The following GOLGA2 variants were observed in gnomAD, a reference collection of about 807,000 sequenced individuals.
The protein encoded by GOLGA2 is golgin A2, also known as golgin subfamily A member 2.
Under a neutral mutation model 148.8 loss-of-function variants are expected in GOLGA2, and 49 were observed. The observed-to-expected ratio is 0.33, with a 90% CI of 0.26 to 0.42. GOLGA2 has a LOEUF of 0.42. Among genes scored for constraint, GOLGA2 ranks in the 10% least tolerant of loss-of-function variants. The pLI, the probability that GOLGA2 is intolerant of heterozygous loss-of-function variation, is 1.00. For missense variants in GOLGA2, 1,178 were observed against 1,304.6 expected (o/e 0.90, Z 1.49); for synonymous variants, 501 against 511.8 (o/e 0.98, Z 0.28).
chr9:128,258,019 C>A lies in GOLGA2; in HGVS notation c.2469G>T (p.Glu823Asp). 1 of 1,610,298 alleles carries A rather than the reference C, an allele frequency of 6.2e-7. No homozygotes were observed. Among genetic ancestry groups the A allele is most frequent in the South Asian group, 1.1e-5 (1 of 90,824 alleles). Residue 823 changes from glutamate to aspartate, a missense_variant, in exon 23 of 27, where the codon GAG becomes GAT. Physicochemically the swap from Glu to Asp is conservative, Grantham distance 45 (BLOSUM62 2). This residue lies in a region of GOLGA2 where 529 missense variants were observed against 521.8 expected (regional missense o/e 1.01). Coordinates refer to ENST00000611957, the MANE Select transcript of GOLGA2 (RefSeq NM_001366244.2). The surrounding 1 kb of genome is among the most constrained non-coding windows in gnomAD (Gnocchi z 6.6). ...PGTGGDSVCG[E>D]THRALQGAME... is the part of the protein sequence containing the mutation. ...TGGCCCCCTGCAGGGCCCGGTGGGT[C>A]TCCCCACACACAGAATCACCCCCGG... is the stretch of plus-strand genomic sequence containing the variant.
Position 128,261,361 on chromosome 9 carries a change from C to T in GOLGA2, c.1332+93G>A, listed in dbSNP as rs1830262882. The T allele has an allele frequency of 8.2e-7, 1 of 1,216,060 alleles. No homozygotes were observed. Among genetic ancestry groups the T allele is most frequent in the East Asian group, 2.3e-5 (1 of 43,058 alleles). 75.3% of individuals were successfully genotyped at this position (1,216,060 alleles called of 1,614,324 possible). ...CCGCCACAAAGCCCAGACCCATGACCACCTCTGGCTGTGCTCCTCCCATTT... is the reference window on the plus strand; with the variant it reads ...CCGCCACAAAGCCCAGACCCATGACTACCTCTGGCTGTGCTCCTCCCATTT... On this transcript the variant is annotated intron_variant, in intron 16 of 26. Coordinates refer to ENST00000611957, the MANE Select transcript of GOLGA2 (RefSeq NM_001366244.2). This position sits in a 1 kb window ranked among gnomAD's most constrained non-coding sequence, Gnocchi z 5.7.
At chr9:128,275,448 A>T in intron 1 of GOLGA2, 1 of 1,298,216 alleles carries the variant, frequency 7.7e-7, no homozygotes, top group Non-Finnish European at 9.8e-7. Context: ...AGGTCCTTGG[A>T]GACCCGAGAC....
chr9:128,260,828 G>C lies in GOLGA2; in HGVS notation c.1421-26C>G. On this transcript the variant is annotated intron_variant, in intron 17 of 26. Coordinates refer to ENST00000611957, the MANE Select transcript of GOLGA2 (RefSeq NM_001366244.2). This position sits in a 1 kb window ranked among gnomAD's most constrained non-coding sequence, Gnocchi z 4.8. ...CTGAGAAAGGACGCAGACAATAAAA[G>C]CCTCTGGATTCTCAAAAAAACCCTC... 1 of 1,487,370 alleles carries C rather than the reference G, an allele frequency of 6.7e-7. No homozygotes were observed. Among genetic ancestry groups the C allele is most frequent in the African/African-American group, 1.4e-5 (1 of 71,882 alleles). The allele number at this position is 1,487,370 out of a possible 1,614,324, so 92.1% of individuals were successfully genotyped here. A position where few individuals can be genotyped will look rare whatever the true frequency, so the allele number is the denominator to read the frequency against.
chr9:128,257,694 T>C lies in GOLGA2; in HGVS notation c.2625A>G (p.Ala875=). The C allele has an allele frequency of 6.2e-7, 1 of 1,613,970 alleles. No homozygotes were observed. The highest frequency in any genetic ancestry group is 8.5e-7 in the Non-Finnish European group (1 of 1,179,888). The change falls in exon 25 of 27, where the codon GCA becomes GCG. Residue 875 remains alanine, a synonymous_variant. Coordinates refer to ENST00000611957, the MANE Select transcript of GOLGA2 (RefSeq NM_001366244.2). This position sits in a 1 kb window ranked among gnomAD's most constrained non-coding sequence, Gnocchi z 8.0. ...GETDTIGEYI[A]LYQSQRAVLK... is the part of the protein sequence containing the mutation. ...GCACTGCCCTCTGGCTCTGGTACAGTGCAATGTACTCTCCTGCGGGAGGAC... is the reference window on the plus strand; with the variant it reads ...GCACTGCCCTCTGGCTCTGGTACAGCGCAATGTACTCTCCTGCGGGAGGAC...
rs2131367405 is a variant in GOLGA2 at position 128,266,660 on chromosome 9, G to C, written c.643-335C>G. 1 of 457,196 alleles carries C rather than the reference G, an allele frequency of 2.2e-6. No individual in the cohort carries two copies. The highest frequency in any genetic ancestry group is 4.3e-5 in the East Asian group (1 of 23,456). The allele number at this position is 457,196 out of a possible 1,614,324, so 28.3% of individuals were successfully genotyped here. A position where few individuals can be genotyped will look rare whatever the true frequency, so the allele number is the denominator to read the frequency against. On this transcript the variant is annotated intron_variant, in intron 8 of 26. Coordinates refer to ENST00000611957, the MANE Select transcript of GOLGA2 (RefSeq NM_001366244.2). This position sits in a 1 kb window ranked among gnomAD's most constrained non-coding sequence, Gnocchi z 4.2. ...TAATCATTCAACAAACATTTGCTGA[G>C]CACACACAGGCCAGGTACGGTTCTT...
rs1460470311 is a variant in GOLGA2 at position 128,260,311 on chromosome 9, T to G, written c.1759-122A>C. The G allele has an allele frequency of 9.0e-7, 1 of 1,109,134 alleles. No individual in the cohort carries two copies. Among genetic ancestry groups the G allele is most frequent in the East Asian group, 2.3e-5 (1 of 42,554 alleles). 68.7% of individuals were successfully genotyped at this position (1,109,134 alleles called of 1,614,324 possible). ...GAGGCAGGTTAGAAAAATCATCCCC[T>G]CTCCCCCACAGCCATCGGAGCAGGG... On this transcript the variant is annotated intron_variant, in intron 18 of 26. Transcript: ENST00000611957. This position sits in a 1 kb window ranked among gnomAD's most constrained non-coding sequence, Gnocchi z 4.8.
chr9:128,258,526 C>A lies in GOLGA2; in HGVS notation c.2218G>T (p.Glu740Ter). The A allele has an allele frequency of 6.3e-7, 1 of 1,593,176 alleles. No homozygotes were observed. Among genetic ancestry groups the A allele is most frequent in the African/African-American group, 1.3e-5 (1 of 74,416 alleles). Residue 740 changes from glutamate to a stop codon, truncating the protein, a stop_gained, in exon 22 of 27, where the codon GAG (glutamate) becomes TAG (stop). Transcript: ENST00000611957. LOFTEE classifies it high-confidence loss of function. This position sits in a 1 kb window ranked among gnomAD's most constrained non-coding sequence, Gnocchi z 6.6. ...TGAGGTACTGCCACCGCCTCCTCCT[C>A]CTCCTCCTCCTCATCCTCCTCCTCC... ...REEEEDEEEEEEEAVAVPQPM... is the reference protein window; with the variant it reads ...REEEEDEEEE
At position 128,267,524 on chromosome 9, in the gene GOLGA2, G is replaced by A; in HGVS notation, c.502-7C>T. On this transcript the variant is annotated splice_polypyrimidine_tract_variant and splice_region_variant and intron_variant, in intron 6 of 26. Transcript: ENST00000611957. Reference sequence around the variant, plus strand: ...CATTGACACATGTCGCAGACTATAAGAGACGAGAGTGCACATGGAGATGTT... The same window carrying A: ...CATTGACACATGTCGCAGACTATAAAAGACGAGAGTGCACATGGAGATGTT... 6.2e-7 allele frequency: 1 copy of A among 1,608,098 alleles called. No homozygotes were observed. Among genetic ancestry groups the A allele is most frequent in the Non-Finnish European group, 8.5e-7 (1 of 1,174,496 alleles).
rs1249495339 is a variant in GOLGA2, at chr9:128,260,081, C to G, written c.1867G>C (p.Glu623Gln). ...ELQEKLSELK[E>Q]TVELKSQEAQ... is the part of the protein sequence containing the mutation. ...CTTGGATGGGGCGGGGTTACCGTTT[C>G]CTTCAGCTCGCTCAGCTTCTCCTGC... The change falls in exon 19 of 27, where the codon GAA (glutamate) becomes CAA (glutamine). Residue 623 changes from glutamate (E) to glutamine (Q), a missense_variant. Glu to Gln is a conservative substitution (Grantham distance 29). Coordinates refer to ENST00000611957, the MANE Select transcript of GOLGA2 (RefSeq NM_001366244.2). This position sits in a 1 kb window ranked among gnomAD's most constrained non-coding sequence, Gnocchi z 4.8. 1.4e-5 allele frequency: 22 copies of G among 1,606,982 alleles called. No individual in the cohort carries two copies. The highest frequency in any genetic ancestry group is 1.9e-5 in the Non-Finnish European group (22 of 1,177,520).
intron 3 of GOLGA2, among the ~76,000 whole-genome samples, chr9:128,269,926 A>C (rs534243752): frequency 2.0e-4 from 30 of 152,282 alleles, no homozygotes; most frequent in African/African-American, 7.2e-4. Context: ...GTTTACTGTG[A>C]CCATGGAACC....
In GOLGA2 at chr9:128,257,169, C is replaced by A. The variant is rs1829921293; in HGVS notation, c.2988G>T (p.Glu996Asp). The A allele has an allele frequency of 6.2e-7, 1 of 1,614,068 alleles. No homozygotes were observed. The highest frequency in any genetic ancestry group is 1.3e-5 in the African/African-American group (1 of 74,950). The change falls in exon 27 of 27, where the codon GAG becomes GAT. Residue 996 changes from glutamate to aspartate, a missense_variant. By Grantham distance (45) the Glu-to-Asp change is conservative. Coordinates refer to ENST00000611957, the MANE Select transcript of GOLGA2 (RefSeq NM_001366244.2). This position sits in a 1 kb window ranked among gnomAD's most constrained non-coding sequence, Gnocchi z 8.0. ...TAQQIMQLLR[E>D]MQNPRERPGL... ...CTGGGCGCTCCCGGGGGTTCTGCATCTCACGAAGCAGCTGCATGATCTGCT... is the reference window on the plus strand; with the variant it reads ...CTGGGCGCTCCCGGGGGTTCTGCATATCACGAAGCAGCTGCATGATCTGCT...
rs749274877 is a variant in GOLGA2 at position 128,257,502 on chromosome 9, C to T, written c.2742G>A (p.Glu914=). ...GGTCGCCCACAAGCCGTAAGACCAG[C>T]TCCTGCAGCTCCAGCAGCTTCACCT... ...EMKVKLLELQ[E]LVLRLVGDRN... Residue 914 remains glutamate, a synonymous_variant, in exon 26 of 27, where the codon GAG becomes GAA. Transcript: ENST00000611957. The surrounding 1 kb of genome is among the most constrained non-coding windows in gnomAD (Gnocchi z 8.0). The T allele has an allele frequency of 3.1e-6, 5 of 1,614,030 alleles. 1 individual carries two copies. The highest frequency in any genetic ancestry group is 4.2e-6 in the Non-Finnish European group (5 of 1,180,024).
In GOLGA2 at chr9:128,260,902, T is replaced by C; in HGVS notation, c.1421-100A>G. On this transcript the variant is annotated intron_variant, in intron 17 of 26. Coordinates refer to ENST00000611957, the MANE Select transcript of GOLGA2 (RefSeq NM_001366244.2). The surrounding 1 kb of genome is among the most constrained non-coding windows in gnomAD (Gnocchi z 4.8). ...AGCTCCCCAAACTTGGCCTCCCTGC[T>C]GATGATTCCTCGCACCCGGATGTTA... 1.2e-6 allele frequency: 1 copy of C among 830,290 alleles called. No individual in the cohort carries two copies. 51.4% of individuals were successfully genotyped at this position (830,290 alleles called of 1,614,324 possible).
In GOLGA2 at chr9:128,275,494, G is replaced by A. The variant is rs1291996267; in HGVS notation, c.84+399C>T. 17 of 1,306,828 alleles carry A rather than the reference G, an allele frequency of 1.3e-5. No individual in the cohort carries two copies. The Middle Eastern group carries it at 8.1e-4, about 62-fold the overall frequency. The allele number at this position is 1,306,828 out of a possible 1,614,324, so 81.0% of individuals were successfully genotyped here. A position where few individuals can be genotyped will look rare whatever the true frequency, so the allele number is the denominator to read the frequency against. ...CGGGAGGTCCGGTTTGGGGCGGCAG[G>A]AGGTGAGGGTCGAGTCTGGAGCGGG... is the stretch of plus-strand genomic sequence containing the variant. On this transcript the variant is annotated intron_variant, in intron 1 of 26. Transcript: ENST00000611957.
chr9:128,259,953 G>A (rs1284365596), intron 19 of GOLGA2, 123 bp downstream of exon 19: 1 of 727,416 alleles, frequency 1.4e-6, no homozygotes, highest in East Asian at 2.5e-5. Context: ...AACAGTCACA[G>A]GACTGCCCTG....
At chr9:128,268,606 T>C (rs1245666968) in intron 3 of GOLGA2, 82 bp from the exon 4 acceptor site, 1 of 733,402 alleles carries the variant, frequency 1.4e-6, no homozygotes, top group African/African-American at 1.7e-5. Context: ...GTGGAACAGG[T>C]AGGACAGGTG....
chr9:128,262,055 G>A, intron 14 of GOLGA2: 1 of 374,910 alleles, frequency 2.7e-6, no homozygotes, highest in South Asian at 3.0e-5. Context: ...ACAAAAATTA[G>A]CCAGGCATGG....
rs997948957 is a variant in GOLGA2 at position 128,262,581 on chromosome 9, C to T, written c.1116G>A (p.Thr372=). 26 of 1,613,988 alleles carry T rather than the reference C, an allele frequency of 1.6e-5. No individual in the cohort carries two copies. The highest frequency in any genetic ancestry group is 8.3e-5 in the Admixed American group (5 of 59,994). Reference sequence around the variant, plus strand: ...CTCTTGCCTGTTGAAGCAGGAGTTCCGTCATCTCTAACTTCTTTTGCAATT... The same window carrying T: ...CTCTTGCCTGTTGAAGCAGGAGTTCTGTCATCTCTAACTTCTTTTGCAATT... ...LEELQKKLEM[T]ELLLQQFSSR... is the part of the protein sequence containing the mutation. The change falls in exon 14 of 27, where the codon ACG becomes ACA. Residue 372 remains threonine, a synonymous_variant. Transcript: ENST00000611957.
In GOLGA2 at chr9:128,259,067, C is replaced by T. The variant is rs752279073; in HGVS notation, c.2113G>A (p.Ala705Thr). Reference protein sequence around the residue: ...LQETQERLEAATQQNQQLRAQ... With the variant: ...LQETQERLEATTQQNQQLRAQ... ...CGTAGCTGCTGATTCTGCTGGGTGG[C>T]AGCTTCCAGGCGCTCCTAAGGGGCC... is the stretch of plus-strand genomic sequence containing the variant. Residue 705 changes from alanine (A) to threonine (T), a missense_variant, in exon 21 of 27, where the codon GCC (alanine) becomes ACC (threonine). Coordinates refer to ENST00000611957, the MANE Select transcript of GOLGA2 (RefSeq NM_001366244.2). 1.9e-6 allele frequency: 3 copies of T among 1,612,134 alleles called. No homozygotes were observed. The highest frequency in any genetic ancestry group is 1.3e-5 in the African/African-American group (1 of 75,034).
Sources: gnomAD v4.1 joint callset for allele counts (sites outside exome capture counted in the v4.1 genomes callset) on GRCh38, gnomAD v4.1.1 for gene constraint, gnomAD v4.1.1 regional missense constraint, Gnocchi (gnomAD v3.1) non-coding constraint, MANE v1.5 for transcripts, NCBI Gene and HGNC (gene_info 2026-07-23, HGNC 2026-07-21) for gene names.